Variants in CSRP1 observed in about 807,000 individuals in gnomAD.
The protein encoded by CSRP1 is cysteine and glycine-rich protein 1.
Under a neutral mutation model 25.4 loss-of-function variants are expected in CSRP1, and 16 were observed. The ratio of observed to expected loss-of-function variants is 0.63; its 90% confidence interval spans 0.43 to 0.96. The LOEUF (loss-of-function observed/expected upper bound fraction) is 0.96. Among genes scored for constraint, CSRP1 ranks in the 40% least tolerant of loss-of-function variants. The pLI, the probability that CSRP1 is intolerant of heterozygous loss-of-function variation, is 0.00. For missense variants in CSRP1, 212 were observed against 243.6 expected (o/e 0.87, Z 0.86); for synonymous variants, 97 against 95.3 (o/e 1.02, Z -0.10).
intron 4 of CSRP1, chr1:201,486,836 T>C (rs1039012928): frequency 1.7e-6 from 2 of 1,192,254 alleles, no homozygotes; most frequent in Non-Finnish European, 2.1e-6. Flanking sequence ...AGTACAGCCC[T>C]AACTTTACCT....
At chr1:201,500,200 T>C (rs1287005977) in intron 1 of CSRP1, among the ~76,000 whole-genome samples, 1 of 152,192 alleles carries the variant, frequency 6.6e-6, no homozygotes, top group Non-Finnish European at 1.5e-5. Context: ...TCCAACCCCC[T>C]GAACCAGCAG....
intron 4 of CSRP1, chr1:201,486,458 C>T: frequency 1.0e-6 from 1 of 985,550 alleles, no homozygotes; most frequent in Non-Finnish European, 1.2e-6. Flanking sequence ...GAAATTCATC[C>T]CCTCAGATTT....
chr1:201,502,325 G>A (rs1209711570), intron 1 of CSRP1, among the ~76,000 whole-genome samples: 1 of 152,350 alleles, frequency 6.6e-6, no homozygotes, highest in African/African-American at 2.4e-5. Context: ...TATCTGCCAG[G>A]TGGACAGGAG....
At position 201,488,904 on chromosome 1, in the gene CSRP1, C is replaced by T. The variant is rs757153693; in HGVS notation, c.362G>A (p.Arg121Gln). The T allele has an allele frequency of 4.3e-6, 7 of 1,613,976 alleles. No individual in the cohort carries two copies. Among genetic ancestry groups the T allele is most frequent in the Non-Finnish European group, 4.2e-6 (5 of 1,180,022 alleles). ...CGCAGCATAGACTGCCTGGCTGCAT[C>T]GGGGGCAGCGCTCGGAGCCACCAAT... Reference protein sequence around the residue: ...QKIGGSERCPRCSQAVYAAEK... With the variant: ...QKIGGSERCPQCSQAVYAAEK... The change falls in exon 4 of 6, where the codon CGA (arginine) becomes CAA (glutamine). Residue 121 changes from arginine (R) to glutamine (Q), a missense_variant. Physicochemically the swap from Arg to Gln is conservative, Grantham distance 43 (BLOSUM62 1). Transcript: ENST00000340006.
At position 201,503,987 on chromosome 1, in the gene CSRP1, T is replaced by G. The variant is rs145197041; in HGVS notation, c.-2+3083A>C. ...AGACTGAAAACCCGGAGGTCAGGAGTTCTAACCCTGATCCATCCAAGTGAA... is the reference window on the plus strand; with the variant it reads ...AGACTGAAAACCCGGAGGTCAGGAGGTCTAACCCTGATCCATCCAAGTGAA... On this transcript the variant is annotated intron_variant, in intron 1 of 5. Coordinates refer to ENST00000340006, the MANE Select transcript of CSRP1 (RefSeq NM_004078.3). Among the ~76,000 whole-genome samples, 534 of 152,222 alleles carry G rather than the reference T, an allele frequency of 3.5e-3. 5 individuals carry two copies. The highest frequency in any genetic ancestry group is 0.013 in the African/African-American group (521 of 41,538).
chr1:201,487,446 CTTAT>C (rs1195586368), intron 4 of CSRP1: 10 of 152,578 alleles, frequency 6.6e-5, no homozygotes, highest in African/African-American at 2.4e-4. Context: ...AAAAAACTGC[CTTAT>C]TTGTCAGGGG....
rs966883696 is a variant in CSRP1 at position 201,486,819 on chromosome 1, A to G, written c.412-1443T>C. The G allele has an allele frequency of 1.2e-5, 13 of 1,082,670 alleles. No individual in the cohort carries two copies. The South Asian group carries it at 2.9e-4, about 24-fold the overall frequency. 67.1% of individuals were successfully genotyped at this position (1,082,670 alleles called of 1,614,324 possible). On this transcript the variant is annotated intron_variant, in intron 4 of 5. Coordinates refer to ENST00000340006, the MANE Select transcript of CSRP1 (RefSeq NM_004078.3). ...CTTGAATGCAAAATTCTCTTATCCT[A>G]CTCCTTAGTACAGCCCTAACTTTAC...
chr1:201,489,288 T>A (rs1487729363), intron 3 of CSRP1: 3 of 233,710 alleles, frequency 1.3e-5, no homozygotes, highest in Non-Finnish European at 2.6e-5. Context: ...CTGCAGCTGG[T>A]CTATTATCAG....
rs768795417 is a variant in CSRP1, at chr1:201,490,270, C to T, written c.187G>A (p.Gly63Ser). Residue 63 changes from glycine (G) to serine (S), a missense_variant, in exon 3 of 6, where the codon GGC (glycine) becomes AGC (serine). By Grantham distance (56) the Gly-to-Ser change is moderately conservative. Coordinates refer to ENST00000340006, the MANE Select transcript of CSRP1 (RefSeq NM_004078.3). ...GEEIYCKSCY[G>S]KKYGPKGYGY... Reference sequence around the variant, plus strand: ...TAGCCTTTGGGCCCATACTTCTTGCCGTAGCAGGACTTGCAGTAAATCTCC... The same window carrying T: ...TAGCCTTTGGGCCCATACTTCTTGCTGTAGCAGGACTTGCAGTAAATCTCC... The T allele has an allele frequency of 4.3e-6, 7 of 1,614,050 alleles. No homozygotes were observed. The highest frequency in any genetic ancestry group is 1.6e-4 in the Middle Eastern group (1 of 6,082).
Position 201,486,755 on chromosome 1 carries a change from G to C in CSRP1, c.412-1379C>G, listed in dbSNP as rs16848754. 2.9e-3 allele frequency: 3,121 copies of C among 1,065,002 alleles called. 68 individuals carry two copies. In the African/African-American group the frequency reaches 0.05, roughly 17 times the overall value. 66.0% of individuals were successfully genotyped at this position (1,065,002 alleles called of 1,614,324 possible). On this transcript the variant is annotated intron_variant, in intron 4 of 5. Transcript: ENST00000340006. ...ACTCCCAGCTCAACATTTCTTGAGC[G>C]AGGCAATAGAAAGGTGGGGCTTCTC...
At chr1:201,501,731 G>A (rs578073414) in intron 1 of CSRP1, among the ~76,000 whole-genome samples, 85 of 152,264 alleles carry the variant, frequency 5.6e-4, no homozygotes, top group Admixed American at 2.9e-3. Context: ...GGTGGCTCAC[G>A]CCTGTAATCC....
Position 201,488,919 on chromosome 1 carries a change from G to A in CSRP1, c.347C>T (p.Ser116Phe). 1 of 1,614,158 alleles carries A rather than the reference G, an allele frequency of 6.2e-7. No homozygotes were observed. Among genetic ancestry groups the A allele is most frequent in the Non-Finnish European group, 8.5e-7 (1 of 1,180,030 alleles). ...CTGGCTGCATCGGGGGCAGCGCTCGGAGCCACCAATCTTCTGGGCAAATTT... is the reference window on the plus strand; with the variant it reads ...CTGGCTGCATCGGGGGCAGCGCTCGAAGCCACCAATCTTCTGGGCAAATTT... ...ASKFAQKIGG[S>F]ERCPRCSQAV... Residue 116 changes from serine to phenylalanine, a missense_variant, in exon 4 of 6, where the codon TCC becomes TTC. By Grantham distance (155) the Ser-to-Phe change is radical. Coordinates refer to ENST00000340006, the MANE Select transcript of CSRP1 (RefSeq NM_004078.3).
chr1:201,489,349 C>A (rs1664253515), intron 3 of CSRP1: 3 of 173,808 alleles, frequency 1.7e-5, no homozygotes, highest in Admixed American at 1.2e-4. Flanking sequence ...GGGGCAATGA[C>A]CTTGGCTGAA....
At chr1:201,489,273 C>A in intron 3 of CSRP1, 1 of 263,650 alleles carries the variant, frequency 3.8e-6, no homozygotes, top group Non-Finnish European at 7.4e-6. Context: ...CTCTGCCCCT[C>A]ATTCCTGCAG....
chr1:201,506,505 G>A (rs1310906891), intron 1 of CSRP1: 1 of 152,290 alleles, frequency 6.6e-6, no homozygotes, highest in Non-Finnish European at 1.5e-5. Context: ...TTCAAGGACT[G>A]AGGCCACAAA....
rs180825588 is a variant in CSRP1 at position 201,496,183 on chromosome 1, C to T, written c.112+9G>A. 1.8e-3 allele frequency: 2,868 copies of T among 1,608,498 alleles called. 48 individuals carry two copies. In the South Asian group the frequency reaches 0.022, roughly 12 times the overall value. On this transcript the variant is annotated intron_variant, in intron 2 of 5. Transcript: ENST00000340006. ...AAGGCAACAGCAATAGGGCCTGGGG[C>T]GTACTCACTGCACAGGAAGCAGGAT...
Position 201,484,296 on chromosome 1 carries a change from C to G in CSRP1, c.*417G>C, listed in dbSNP as rs1266939719. 1.4e-5 allele frequency: 7 copies of G among 510,922 alleles called. 1 individual carries two copies. The highest frequency in any genetic ancestry group is 8.6e-5 in the East Asian group (3 of 34,982). 31.6% of individuals were successfully genotyped at this position (510,922 alleles called of 1,614,324 possible). On this transcript the variant is annotated 3_prime_UTR_variant, in exon 6 of 6. Coordinates refer to ENST00000340006, the MANE Select transcript of CSRP1 (RefSeq NM_004078.3). Reference sequence around the variant, plus strand: ...GAGATCCAAAAAACCCAGCCTTCCCCCCTCCTCATCTTGGTCTTGCTTCCC... The same window carrying G: ...GAGATCCAAAAAACCCAGCCTTCCCGCCTCCTCATCTTGGTCTTGCTTCCC...
intron 3 of CSRP1, 26 bp downstream of exon 3, chr1:201,490,150 A>C: frequency 1.3e-6 from 2 of 1,596,490 alleles, no homozygotes; most frequent in Non-Finnish European, 8.6e-7. Context: ...CTCAAGAAAA[A>C]GGTTGGGAGG....
At chr1:201,486,141 A>G (rs554779109) in intron 4 of CSRP1, 5 of 163,358 alleles carry the variant, frequency 3.1e-5, no homozygotes, top group African/African-American at 1.2e-4. Flanking sequence ...TCCAATTACA[A>G]ATACCTTCTC....
Sources: allele counts gnomAD v4.1 joint callset (sites outside exome capture counted in the v4.1 genomes callset), GRCh38; gene constraint gnomAD v4.1.1; transcripts MANE v1.5; gene names NCBI Gene and HGNC (gene_info 2026-07-23, HGNC 2026-07-21).